CIMAP3: variants seen among roughly 807,000 people sequenced by gnomAD.
CIMAP3 encodes ciliary microtubule-associated protein 3.
chr1:111,334,850 C>T, the CIMAP3 span, among the ~76,000 whole-genome samples: 7 of 151,988 alleles, frequency 4.6e-5, no homozygotes, highest in South Asian at 2.1e-4. Flanking sequence ...ACAGATGTCA[C>T]GCAAGGTGGC....
At chr1:111,343,854 T>C in the CIMAP3 span, among the ~76,000 whole-genome samples, 2 of 152,242 alleles carry the variant, frequency 1.3e-5, no homozygotes, top group African/African-American at 2.4e-5. Flanking sequence ...GGGATCTTTA[T>C]TGACTTTGTT....
At chr1:111,345,828 C>T in the CIMAP3 span, among the ~76,000 whole-genome samples, 85 of 152,240 alleles carry the variant, frequency 5.6e-4, no homozygotes, top group Non-Finnish European at 1.0e-4. Flanking sequence ...ACACTCTGAT[C>T]TTTTTTTCTT....
chr1:111,328,171 A>G, the CIMAP3 span, among the ~76,000 whole-genome samples: 1,207 of 152,228 alleles, frequency 7.9e-3, 16 homozygotes, highest in African/African-American at 0.027. Flanking sequence ...AGCGATTTTC[A>G]TAGTCTTGAC....
the CIMAP3 span, among the ~76,000 whole-genome samples, chr1:111,340,716 A>G: frequency 3.3e-5 from 5 of 152,116 alleles, no homozygotes; most frequent in Non-Finnish European, 7.4e-5. Flanking sequence ...GCAAGGTGCT[A>G]GAGAGGATGT....
the CIMAP3 span, among the ~76,000 whole-genome samples, chr1:111,333,356 G>A: frequency 6.6e-6 from 1 of 152,166 alleles, no homozygotes; most frequent in African/African-American, 2.4e-5. Flanking sequence ...GAGGTGCAGT[G>A]GCTATTGGCC....
chr1:111,348,610 G>T, the CIMAP3 span: 2 of 1,612,102 alleles, frequency 1.2e-6, no homozygotes, highest in Non-Finnish European at 8.5e-7. Context: ...TTGGTGCCTC[G>T]ATTTAAGAAC....
At chr1:111,346,503 C>G in the CIMAP3 span, 1 of 1,216,758 alleles carries the variant, frequency 8.2e-7, no homozygotes, top group Admixed American at 2.3e-5. Flanking sequence ...CGGGTTCCTG[C>G]CCCAGTAGTG....
chr1:111,351,502 T>C, the CIMAP3 span: 2 of 471,786 alleles, frequency 4.2e-6, no homozygotes, highest in Admixed American at 3.8e-5. Flanking sequence ...TGCACAGTGC[T>C]ATCTCCATCT....
chr1:111,339,994 G>T, the CIMAP3 span, among the ~76,000 whole-genome samples: 3 of 151,672 alleles, frequency 2.0e-5, no homozygotes, highest in South Asian at 2.1e-4. Flanking sequence ...CATGGTACTG[G>T]TACCAAAACA....
chr1:111,339,031 A>G, the CIMAP3 span, among the ~76,000 whole-genome samples: 2 of 152,256 alleles, frequency 1.3e-5, no homozygotes, highest in South Asian at 4.1e-4. Flanking sequence ...TCATCCCTGG[A>G]ATGCAAGGCT....
the CIMAP3 span, among the ~76,000 whole-genome samples, chr1:111,337,873 A>C: frequency 0.48 from 71,687 of 149,502 alleles, 17,428 homozygotes; most frequent in South Asian, 0.54. Flanking sequence ...AACTCTCCAC[A>C]CCAAATCAAC....
chr1:111,344,545 T>C, the CIMAP3 span, among the ~76,000 whole-genome samples: 1 of 152,218 alleles, frequency 6.6e-6, no homozygotes, highest in Non-Finnish European at 1.5e-5. Flanking sequence ...ATGTTCTTTC[T>C]TTCTGGGTAT....
chr1:111,336,245 T>C, the CIMAP3 span, among the ~76,000 whole-genome samples: 1 of 151,776 alleles, frequency 6.6e-6, no homozygotes, highest in African/African-American at 2.4e-5. Context: ...ACCACAAAGA[T>C]GGGGAAAAAA....
the CIMAP3 span, among the ~76,000 whole-genome samples, chr1:111,327,499 T>C: frequency 6.6e-6 from 1 of 152,092 alleles, no homozygotes; most frequent in African/African-American, 2.4e-5. Flanking sequence ...GCTTTTTTTT[T>C]ATTTGTAGGC....
the CIMAP3 span, among the ~76,000 whole-genome samples, chr1:111,344,829 T>C: frequency 6.6e-6 from 1 of 152,210 alleles, no homozygotes; most frequent in Non-Finnish European, 1.5e-5. Flanking sequence ...TGAAGACATT[T>C]TGATCAATGA....
At chr1:111,346,803 G>T in the CIMAP3 span, 1 of 1,571,992 alleles carries the variant, frequency 6.4e-7, no homozygotes, top group Non-Finnish European at 8.7e-7. Flanking sequence ...GTAAGCGCAC[G>T]GTTGGGCCCT....
At chr1:111,349,923 A>G in the CIMAP3 span, 1 of 537,400 alleles carries the variant, frequency 1.9e-6, no homozygotes, top group Non-Finnish European at 3.3e-6. Flanking sequence ...TTAGATGTTT[A>G]ACGCTAACAT....
the CIMAP3 span, chr1:111,346,581 G>A: frequency 6.2e-7 from 1 of 1,607,250 alleles, no homozygotes; most frequent in Non-Finnish European, 8.5e-7. Context: ...GCGCTCCGCA[G>A]CTGGGAATCA....
the CIMAP3 span, chr1:111,347,622 C>CTTTTTTTTTTTTTTTTGTTTTTTT: frequency 1.2e-6 from 1 of 809,740 alleles, no homozygotes. Flanking sequence ...TTTTTTCTTT[C>CTTTTTTTTTTTTTTTTGTTTTTTT]TTTTTTTTTT....
Sources: gnomAD v4.1 joint callset for allele counts (sites outside exome capture counted in the v4.1 genomes callset) on GRCh38, gnomAD v4.1.1 for gene constraint, MANE v1.5 for transcripts, NCBI Gene and HGNC (gene_info 2026-07-23, HGNC 2026-07-21) for gene names.